TNRC6C: variants seen among roughly 807,000 people sequenced by gnomAD.
The protein encoded by TNRC6C is trinucleotide repeat containing adaptor 6C, also known as trinucleotide repeat-containing gene 6C protein.
TNRC6C carries 20 observed loss-of-function variants against 153.7 expected under a neutral mutation model. The ratio of observed to expected loss-of-function variants is 0.13; its 90% CI spans 0.09 to 0.19. The LOEUF (loss-of-function observed/expected upper bound fraction) is 0.19, where lower values mean the gene tolerates loss of function less well. TNRC6C is among the 10% of genes least tolerant of loss of function. The pLI is 1.00. For synonymous variants in TNRC6C, 811 were observed against 841.4 expected, an observed-to-expected ratio of 0.96 and a Z score of 0.63; for missense variants, 1,987 against 2,172.0, an observed-to-expected ratio of 0.91 and a Z score of 1.69.
At chr17:78,051,344 C>T in exon 3 of TNRC6C, 2 of 1,551,284 alleles carry the variant, frequency 1.3e-6, no homozygotes, top group Non-Finnish European at 1.7e-6. Flanking sequence ...ACCAATACCA[C>T]CACCACCACC....
At position 78,104,840 on chromosome 17, in the gene TNRC6C, C is replaced by T; in HGVS notation, c.5068C>T (p.Leu1690=). Residue 1690 remains leucine, a synonymous_variant, in exon 20 of 20, where the codon CTG becomes TTG. Transcript: ENST00000301624. The surrounding 1 kb of genome is among the most constrained non-coding windows in gnomAD (Gnocchi z 6.2). ...TGGGGACCTGCTCAGCGGGGAGTCC[C>T]TGTAGGCTCTGCCATCATCAGCACC... 1 of 1,423,550 alleles carries T rather than the reference C, an allele frequency of 7.0e-7. No individual in the cohort carries two copies. 88.2% of individuals were successfully genotyped at this position (1,423,550 alleles called of 1,614,324 possible). A position where few individuals can be genotyped will look rare whatever the true frequency, so the allele number is the denominator to read the frequency against.
At chr17:78,067,962 C>T (rs1458625248) in intron 5 of TNRC6C, 39 bp downstream of exon 7, 7 of 1,558,626 alleles carry the variant, frequency 4.5e-6, no homozygotes, top group Non-Finnish European at 5.2e-6. Context: ...ACCCTGAAAA[C>T]CAAAGGTACT....
At chr17:78,009,381 TTAAC>T (rs984298610) in intron 1 of TNRC6C, among the ~76,000 whole-genome samples, 4 of 152,148 alleles carry the variant, frequency 2.6e-5, no homozygotes, top group Admixed American at 2.0e-4. Context: ...TTTTTAATGA[TTAAC>T]TATGATAATT....
chr17:78,013,856 G>A (rs931738530), intron 1 of TNRC6C, among the ~76,000 whole-genome samples: 1 of 152,188 alleles, frequency 6.6e-6, no homozygotes, highest in South Asian at 2.1e-4. Context: ...AAATAGCAGG[G>A]TATGAGGTGA....
chr17:78,035,439 G>A (rs2072160364), intron 2 of TNRC6C, among the ~76,000 whole-genome samples: 1 of 152,204 alleles, frequency 6.6e-6, no homozygotes, highest in East Asian at 1.9e-4. Context: ...CTTATAGTAG[G>A]TGTTGAGTAA....
chr17:78,074,912 C>T (rs1320165895), intron 7 of TNRC6C, among the ~76,000 whole-genome samples: 1 of 152,212 alleles, frequency 6.6e-6, no homozygotes. Flanking sequence ...GCAGGAGCCA[C>T]GGAAGGGTGC....
chr17:78,043,454 A>C (rs1257317419), intron 2 of TNRC6C, among the ~76,000 whole-genome samples: 1 of 152,246 alleles, frequency 6.6e-6, no homozygotes, highest in Non-Finnish European at 1.5e-5. Flanking sequence ...GTGGGTACAT[A>C]GAAGGTATAT....
At chr17:78,004,985 A>G, upstream of TNRC6C, 1 of 1,099,202 alleles carries the variant, frequency 9.1e-7, no homozygotes, top group Non-Finnish European at 1.2e-6. Context: ...ATAAACTTTC[A>G]TAGATGTGTA....
chr17:78,084,114 T>A (rs529728596), intron 11 of TNRC6C, among the ~76,000 whole-genome samples: 1 of 151,846 alleles, frequency 6.6e-6, no homozygotes, highest in African/African-American at 2.4e-5. Flanking sequence ...TGAAACCCCG[T>A]CTCTACTAAA....
intron 2 of TNRC6C, among the ~76,000 whole-genome samples, chr17:78,044,955 G>A (rs2072376326): frequency 6.6e-6 from 1 of 152,174 alleles, no homozygotes; most frequent in South Asian, 2.1e-4. Flanking sequence ...TTGAGCCCAG[G>A]CAGGGGATGG....
At chr17:78,017,636 G>A (rs1002701804) in intron 1 of TNRC6C, among the ~76,000 whole-genome samples, 6 of 152,214 alleles carry the variant, frequency 3.9e-5, no homozygotes, top group African/African-American at 1.2e-4. Context: ...CAGCCAGGCA[G>A]GAACACTGAG....
chr17:77,981,156 A>T (rs184339608), intron 1 of TNRC6C, among the ~76,000 whole-genome samples: 2 of 152,048 alleles, frequency 1.3e-5, no homozygotes, highest in Admixed American at 6.6e-5. Context: ...TTTAAAAAAA[A>T]TTTTGTAGAG....
At chr17:78,107,275 T>G (rs1293409010) in exon 20 of TNRC6C, 1 of 152,196 alleles carries the variant, frequency 6.6e-6, no homozygotes, top group African/African-American at 2.4e-5. Flanking sequence ...TTGTTTGTTT[T>G]TTGTTTTTTT....
At chr17:78,054,936 G>A (rs1387337861) in intron 3 of TNRC6C, among the ~76,000 whole-genome samples, 7 of 140,866 alleles carry the variant, frequency 5.0e-5, no homozygotes, top group African/African-American at 1.6e-4. Context: ...ACACCACTGC[G>A]GACTACTGTA....
intron 13 of TNRC6C, among the ~76,000 whole-genome samples, chr17:78,089,557 G>C (rs1368627032): frequency 6.6e-6 from 1 of 152,098 alleles, no homozygotes; most frequent in Non-Finnish European, 1.5e-5. Context: ...AGTAGTGGGG[G>C]CTCCTAGCTA....
intron 1 of TNRC6C, among the ~76,000 whole-genome samples, chr17:78,005,453 A>G (rs1395998006): frequency 6.6e-6 from 1 of 152,202 alleles, no homozygotes; most frequent in East Asian, 1.9e-4. Flanking sequence ...CCTTTATAAT[A>G]AAAAAGATAT....
Position 78,104,669 on chromosome 17 carries a change from T to C in TNRC6C, c.4897T>C (p.Trp1633Arg). Residue 1633 changes from tryptophan to arginine, a missense_variant, in exon 20 of 20, where the codon TGG becomes CGG. Trp to Arg is a moderately radical substitution (Grantham distance 101, BLOSUM62 -3). Around this residue, in one of 4 missense-constraint regions of TNRC6C, gnomAD observed 139 missense variants for 148.5 expected, o/e 0.94. Transcript: ENST00000301624. This position sits in a 1 kb window ranked among gnomAD's most constrained non-coding sequence, Gnocchi z 6.2. The stretch of plus-strand genomic sequence containing the variant: ...CCTGGTACGCAGCGACGCTGGCCAC[T>C]GGAACGCCCCGTGCCTGGGTGGCAA... 1 of 1,543,486 alleles carries C rather than the reference T, an allele frequency of 6.5e-7. No individual in the cohort carries two copies. The highest frequency in any genetic ancestry group is 8.7e-7 in the Non-Finnish European group (1 of 1,146,398).
At position 78,031,559 on chromosome 17, in the gene TNRC6C, C is replaced by T. The variant is rs567987044; in HGVS notation, c.-502C>T. ...CCTGTTCAAGCCAGCCCCAACCTGC[C>T]GGTACCAGTACCAGTACTTCCACCA... On this transcript the variant is annotated 5_prime_UTR_variant, in exon 2 of 20. Transcript: ENST00000301624. 22 of 1,232,290 alleles carry T rather than the reference C, an allele frequency of 1.8e-5. No homozygotes were observed. The Admixed American group carries it at 2.5e-4, about 14-fold the overall frequency. The allele number at this position is 1,232,290 out of a possible 1,614,324, so 76.3% of individuals were successfully genotyped here.
intron 1 of TNRC6C, among the ~76,000 whole-genome samples, chr17:78,015,104 C>T (rs1208707300): frequency 1.3e-5 from 2 of 152,134 alleles, no homozygotes; most frequent in Non-Finnish European, 2.9e-5. Flanking sequence ...TGTTAAGAAA[C>T]TCTGAATCTT....
Sources: gnomAD v4.1 joint callset for allele counts (sites outside exome capture counted in the v4.1 genomes callset) on GRCh38, gnomAD v4.1.1 for gene constraint, gnomAD v4.1.1 regional missense constraint, Gnocchi (gnomAD v3.1) non-coding constraint, MANE v1.5 for transcripts, NCBI Gene and HGNC (gene_info 2026-07-23, HGNC 2026-07-21) for gene names.